The following SRRT variants were observed in gnomAD, a reference collection of about 807,000 sequenced individuals.
SRRT encodes serrate, RNA effector molecule.
A neutral mutation model predicts 103.2 loss-of-function variants in SRRT; 32 were observed. The observed-to-expected ratio is 0.31, with a 90% CI of 0.23 to 0.42. The LOEUF (loss-of-function observed/expected upper bound fraction) is 0.42. Ranked by LOEUF, SRRT falls within the 10% of genes least tolerant of loss-of-function variation. The probability of loss-of-function intolerance (pLI) is 1.00; values close to 1 mark genes in which losing one functional copy is unlikely to be tolerated. For missense variants in SRRT, 986 were observed against 1,207.5 expected (o/e 0.82, Z 2.72); for synonymous variants, 525 against 449.0 (o/e 1.17, Z -2.14).
At chr7:100,883,463 C>T (rs1789774579) in intron 5 of SRRT, among the ~76,000 whole-genome samples, 1 of 152,336 alleles carries the variant, frequency 6.6e-6, no homozygotes. Flanking sequence ...TCTCCTCTCT[C>T]TCCCCCTGTG....
chr7:100,887,649 G>T lies in SRRT; in HGVS notation c.2170-54G>T. The T allele has an allele frequency of 6.3e-7, 1 of 1,584,164 alleles. No homozygotes were observed. The highest frequency in any genetic ancestry group is 1.1e-5 in the South Asian group (1 of 87,616). On this transcript the variant is annotated intron_variant, in intron 16 of 19. Transcript: ENST00000611405. This position sits in a 1 kb window ranked among gnomAD's most constrained non-coding sequence, Gnocchi z 4.1. ...TGGGAATCCTTCCAGCTCGGGCCTGGGAGCGAGGCAACCCTTATGTGGCTG... is the reference window on the plus strand; with the variant it reads ...TGGGAATCCTTCCAGCTCGGGCCTGTGAGCGAGGCAACCCTTATGTGGCTG...
rs746359437 is a variant in SRRT, at chr7:100,885,031, G to A, written c.1150G>A (p.Glu384Lys). ...GAGCGGCCAGGCTGAGGAGGAGAAG[G>A]AGGAGGCCGGTAGGGTTTCTTTTCT... Reference protein sequence around the residue: ...SESGQAEEEKEEAEEALKEKE... With the variant: ...SESGQAEEEKKEAEEALKEKE... The change falls in exon 9 of 20, where the codon GAG (glutamate) becomes AAG (lysine). Residue 384 changes from glutamate to lysine, a missense_variant. By Grantham distance (56) the Glu-to-Lys change is moderately conservative. Around this residue, in one of 6 missense-constraint regions of SRRT, gnomAD observed 166 missense variants for 148.6 expected, o/e 1.12. Coordinates refer to ENST00000611405, the MANE Select transcript of SRRT (RefSeq NM_015908.6). The surrounding 1 kb of genome is among the most constrained non-coding windows in gnomAD (Gnocchi z 4.8). 2.5e-6 allele frequency: 4 copies of A among 1,613,858 alleles called. No homozygotes were observed. The highest frequency in any genetic ancestry group is 1.6e-4 in the Middle Eastern group (1 of 6,074).
chr7:100,887,347 A>G lies in SRRT; in HGVS notation c.2003A>G (p.Glu668Gly). Residue 668 changes from glutamate (E) to glycine (G), a missense_variant, in exon 16 of 20, where the codon GAG becomes GGG. Transcript: ENST00000611405. The surrounding 1 kb of genome is among the most constrained non-coding windows in gnomAD (Gnocchi z 4.1). ...CTGGAGTGGCAGAAGACTTTTGAGG[A>G]GAAGCTCACGCCGTTGCTGAGTGTG... ...EVLEWQKTFEEKLTPLLSVRE... is the reference protein window; with the variant it reads ...EVLEWQKTFEGKLTPLLSVRE... 5.6e-6 allele frequency: 9 copies of G among 1,614,112 alleles called. No individual in the cohort carries two copies. Among genetic ancestry groups the G allele is most frequent in the Non-Finnish European group, 7.6e-6 (9 of 1,180,014 alleles).
At chr7:100,878,905 C>CTTTCT (rs879758743) in intron 2 of SRRT, among the ~76,000 whole-genome samples, 2,985 of 151,714 alleles carry the variant, frequency 0.02, 314 homozygotes, top group Admixed American at 0.17. Context: ...TTTTCTTTTC[C>CTTTCT]TTTCTTTTCT....
At chr7:100,875,856 T>A in intron 2 of SRRT, 144 bp downstream of exon 2, 1 of 1,040,374 alleles carries the variant, frequency 9.6e-7, no homozygotes, top group South Asian at 1.5e-5. Context: ...TTCAGCCTAT[T>A]TGCTGTTGGC....
Position 100,884,098 on chromosome 7 carries a change from G to T in SRRT, c.616G>T (p.Val206Leu), listed in dbSNP as rs1195671320. The T allele has an allele frequency of 1.2e-6, 2 of 1,607,404 alleles. No individual in the cohort carries two copies. The highest frequency in any genetic ancestry group is 8.5e-7 in the Non-Finnish European group (1 of 1,178,262). ...WFRSKYHPDE[V>L]GKRRQEARGA... ...TCGGTCTAAGTACCACCCAGATGAG[G>T]TGGGGAAGCGTCGGCAGGAGGCCCG... The change falls in exon 6 of 20, where the codon GTG becomes TTG. Residue 206 changes from valine to leucine, a missense_variant. By Grantham distance (32) the Val-to-Leu change is conservative. This residue lies in a region of SRRT where 274 missense variants were observed against 358.5 expected (regional missense o/e 0.76). Coordinates refer to ENST00000611405, the MANE Select transcript of SRRT (RefSeq NM_015908.6).
In SRRT at chr7:100,884,392, C is replaced by T. The variant is rs778464271; in HGVS notation, c.782C>T (p.Thr261Met). Reference protein sequence around the residue: ...DAAVIKMEGGTENDLRILEQE... With the variant: ...DAAVIKMEGGMENDLRILEQE... ...GCCGTGATTAAGATGGAAGGAGGCA[C>T]GGAGAATGATCTTCGCATCCTGGAG... The change falls in exon 7 of 20, where the codon ACG (threonine) becomes ATG (methionine). Residue 261 changes from threonine (T) to methionine (M), a missense_variant. By Grantham distance (81) the Thr-to-Met change is moderately conservative. This residue lies in a region of SRRT where 274 missense variants were observed against 358.5 expected (regional missense o/e 0.76). Transcript: ENST00000611405. 68 of 1,613,236 alleles carry T rather than the reference C, an allele frequency of 4.2e-5. No individual in the cohort carries two copies. Among genetic ancestry groups the T allele is most frequent in the Admixed American group, 8.4e-5 (5 of 59,858 alleles).
At chr7:100,886,997 G>T (rs1199642152) in intron 14 of SRRT, 29 bp downstream of exon 14, 1 of 1,610,194 alleles carries the variant, frequency 6.2e-7, no homozygotes, top group Non-Finnish European at 8.5e-7. Context: ...GGCACGTGGG[G>T]GCTCGGGCGG....
intron 1 of SRRT, 62 bp downstream of exon 1, chr7:100,875,390 G>A: frequency 7.3e-7 from 1 of 1,360,996 alleles, no homozygotes; most frequent in East Asian, 2.8e-5. Context: ...GGGTCCACGG[G>A]GGCGGGCGCG....
chr7:100,888,185 G>T (rs751519131), intron 18 of SRRT, 42 bp downstream of exon 18: 1 of 1,600,704 alleles, frequency 6.2e-7, no homozygotes, highest in East Asian at 2.2e-5. Flanking sequence ...TGAGTGTGTG[G>T]CTTTGGGAGA....
chr7:100,883,437 C>T (rs2115818948), intron 5 of SRRT, among the ~76,000 whole-genome samples: 1 of 152,250 alleles, frequency 6.6e-6, no homozygotes, highest in East Asian at 1.9e-4. Flanking sequence ...TTTTCTTCTC[C>T]CTAACCTTCC....
Position 100,888,311 on chromosome 7 carries a change from C to G in SRRT, c.2483C>G (p.Pro828Arg). ...GGAGGCCCTCCATACCCCCATGCCCCGTATGGTGCTGGTCGAGGGAACTAT... is the reference window on the plus strand; with the variant it reads ...GGAGGCCCTCCATACCCCCATGCCCGGTATGGTGCTGGTCGAGGGAACTAT... ...PTGGPPYPHA[P>R]YGAGRGNYDA... The change falls in exon 19 of 20, where the codon CCG (proline) becomes CGG (arginine). Residue 828 changes from proline to arginine, a missense_variant. Transcript: ENST00000611405. 1.2e-6 allele frequency: 2 copies of G among 1,614,056 alleles called. No homozygotes were observed. Among genetic ancestry groups the G allele is most frequent in the Non-Finnish European group, 1.7e-6 (2 of 1,179,940 alleles).
chr7:100,888,332 A>G lies in SRRT; in HGVS notation c.2504A>G (p.Asn835Ser). The change falls in exon 19 of 20, where the codon AAC (asparagine) becomes AGC (serine). Residue 835 changes from asparagine to serine, a missense_variant. This residue lies in a region of SRRT where 178 missense variants were observed against 189.6 expected (regional missense o/e 0.94). Transcript: ENST00000611405. The part of the protein sequence containing the change: ...PHAPYGAGRG[N>S]YDAFRGQGGY... Reference sequence around the variant, plus strand: ...GCCCCGTATGGTGCTGGTCGAGGGAACTATGATGCCTTCCGAGGCCAGGGA... The same window carrying G: ...GCCCCGTATGGTGCTGGTCGAGGGAGCTATGATGCCTTCCGAGGCCAGGGA... 1 of 1,614,134 alleles carries G rather than the reference A, an allele frequency of 6.2e-7. No homozygotes were observed. The highest frequency in any genetic ancestry group is 8.5e-7 in the Non-Finnish European group (1 of 1,179,988).
Position 100,884,603 on chromosome 7 carries a change from G to A in SRRT, c.942+51G>A. On this transcript the variant is annotated intron_variant, in intron 7 of 19. Transcript: ENST00000611405. ...TGTCCCTGGCAGCCTGGGGGAGGGG[G>A]GCGGGTAGGGGTCCATAGGAGCTAG... 4.4e-6 allele frequency: 3 copies of A among 689,176 alleles called. 1 individual carries two copies. In the East Asian group the frequency reaches 1.5e-4, roughly 35 times the overall value. The allele number at this position is 689,176 out of a possible 1,614,324, so 42.7% of individuals were successfully genotyped here. A position where few individuals can be genotyped will look rare whatever the true frequency, so the allele number is the denominator to read the frequency against.
rs908374136 is a variant in SRRT, at chr7:100,878,872, ACTTT to A, written c.123-2409_123-2406del. On this transcript the variant is annotated intron_variant, in intron 2 of 19. Coordinates refer to ENST00000611405, the MANE Select transcript of SRRT (RefSeq NM_015908.6). ...GTATGCCATCACACCCAGCTAACCTACTTTCTTCCTTCCTTCCTTTTCTTTTCTT... is the reference window on the plus strand; with the variant it reads ...GTATGCCATCACACCCAGCTAACCTACTTCCTTCCTTCCTTTTCTTTTCTT... Among the ~76,000 whole-genome samples the A allele has an allele frequency of 1.2e-4, 18 of 150,628 alleles. No homozygotes were observed. In the East Asian group the frequency reaches 1.8e-3, roughly 15 times the overall value.
chr7:100,884,274 C>A (rs201456567), intron 6 of SRRT, 35 bp downstream of exon 6: 1 of 1,613,654 alleles, frequency 6.2e-7, no homozygotes. Context: ...GGCATCTGGG[C>A]CCCATGGGGG....
rs1790224185 is a variant in SRRT at position 100,887,276 on chromosome 7, C to T, written c.1976-44C>T. 6.2e-7 allele frequency: 1 copy of T among 1,610,328 alleles called. No homozygotes were observed. Among genetic ancestry groups the T allele is most frequent in the Non-Finnish European group, 8.5e-7 (1 of 1,177,194 alleles). On this transcript the variant is annotated intron_variant, in intron 15 of 19. Transcript: ENST00000611405. This position sits in a 1 kb window ranked among gnomAD's most constrained non-coding sequence, Gnocchi z 4.1. ...CAGCCCCTTGCCACCATCCTTCCTT[C>T]TGGCTCCCTTGCCAACCTTCCTTCC...
chr7:100,885,025 GAGA>G lies in SRRT; in HGVS notation c.1147_1149del (p.Lys383del). ...GTCAGAGAGCGGCCAGGCTGAGGAGGAGAAGGAGGAGGCCGGTAGGGTTTCTTT... is the reference window on the plus strand; with the variant it reads ...GTCAGAGAGCGGCCAGGCTGAGGAGGAGGAGGAGGCCGGTAGGGTTTCTTT... On this transcript the variant is annotated inframe_deletion, in exon 9 of 20. Transcript: ENST00000611405. The surrounding 1 kb of genome is among the most constrained non-coding windows in gnomAD (Gnocchi z 4.8). The G allele has an allele frequency of 6.2e-7, 1 of 1,614,006 alleles. No individual in the cohort carries two copies.
In SRRT at chr7:100,888,045, T is replaced by TC. The variant is rs758217404; in HGVS notation, c.2336dup (p.Gly780ArgfsTer58). 1 of 1,543,554 alleles carries TC rather than the reference T, an allele frequency of 6.5e-7. No homozygotes were observed. The highest frequency in any genetic ancestry group is 8.7e-7 in the Non-Finnish European group (1 of 1,149,298). ...ATTCATGTCCCTGTCCGTGTTGTACTCCCCCCAGGTTTGACCCCAGGACTC... is the reference window on the plus strand; with the variant it reads ...ATTCATGTCCCTGTCCGTGTTGTACTCCCCCCCAGGTTTGACCCCAGGACTC... On this transcript the variant is annotated frameshift_variant, in exon 18 of 20. Coordinates refer to ENST00000611405, the MANE Select transcript of SRRT (RefSeq NM_015908.6). LOFTEE classifies it high-confidence loss of function.
Sources: gnomAD v4.1 joint callset for allele counts (sites outside exome capture counted in the v4.1 genomes callset) on GRCh38, gnomAD v4.1.1 for gene constraint, gnomAD v4.1.1 regional missense constraint, Gnocchi (gnomAD v3.1) non-coding constraint, MANE v1.5 for transcripts, NCBI Gene and HGNC (gene_info 2026-07-23, HGNC 2026-07-21) for gene names.